Variants in KLHL42 observed in about 807,000 individuals in gnomAD.
The protein encoded by KLHL42 is kelch like family member 42.
KLHL42 carries 27 observed loss-of-function variants against 32.7 expected under a neutral mutation model. The observed-to-expected ratio is 0.83, with a 90% CI of 0.61 to 1.14. The LOEUF (loss-of-function observed/expected upper bound fraction) is 1.14, where lower values mean the gene tolerates loss of function less well. Among genes scored for constraint, KLHL42 ranks in the 50% most tolerant of loss-of-function variants. KLHL42 has a pLI of 0.00. For synonymous variants in KLHL42, 267 were observed against 248.2 expected, an observed-to-expected ratio of 1.08 and a Z score of -0.71; for missense variants, 491 against 560.8, an observed-to-expected ratio of 0.88 and a Z score of 1.26.
chr12:27,785,957 A>C (rs948372923), intron 1 of KLHL42, among the ~76,000 whole-genome samples: 3 of 152,238 alleles, frequency 2.0e-5, no homozygotes, highest in East Asian at 1.9e-4. Context: ...ATAATGAGAG[A>C]CATCATTTAA....
chr12:27,781,276 C>T, intron 1 of KLHL42, 74 bp downstream of exon 1: 1 of 1,507,696 alleles, frequency 6.6e-7, no homozygotes, highest in Admixed American at 1.9e-5. Context: ...CCAGTGTTTA[C>T]TGAGCCAGTA....
chr12:27,781,865 A>G (rs2062150914), intron 1 of KLHL42, among the ~76,000 whole-genome samples: 1 of 152,178 alleles, frequency 6.6e-6, no homozygotes, highest in South Asian at 2.1e-4. Context: ...CCATCCTGCA[A>G]ATCTCTCCTG....
In KLHL42 at chr12:27,800,256, A is replaced by G. The variant is rs1444407317; in HGVS notation, c.*2090A>G. ...TTACATTCATTGGGTCTATTTGCCTAATGTTGACAATTAGATTCTTGGACC... is the reference window on the plus strand; with the variant it reads ...TTACATTCATTGGGTCTATTTGCCTGATGTTGACAATTAGATTCTTGGACC... On this transcript the variant is annotated 3_prime_UTR_variant, in exon 3 of 3. Transcript: ENST00000381271. 1 of 985,216 alleles carries G rather than the reference A, an allele frequency of 1.0e-6. No individual in the cohort carries two copies. The highest frequency in any genetic ancestry group is 1.1e-4 in the East Asian group (1 of 8,820). The allele number at this position is 985,216 out of a possible 1,614,324, so 61.0% of individuals were successfully genotyped here.
At position 27,802,338 on chromosome 12, in the gene KLHL42, T is replaced by A. The variant is rs573898089; in HGVS notation, c.*4172T>A. ...CTAAGAGGGGCAAGCTGATTGCATG[T>A]GCATTTATACCTATGCCTTTAAAAC... On this transcript the variant is annotated 3_prime_UTR_variant, in exon 3 of 3. Coordinates refer to ENST00000381271, the MANE Select transcript of KLHL42 (RefSeq NM_020782.2). 1 of 152,362 alleles carries A rather than the reference T, an allele frequency of 6.6e-6. No individual in the cohort carries two copies. Among genetic ancestry groups the A allele is most frequent in the African/African-American group, 2.4e-5 (1 of 41,570 alleles). The allele number at this position is 152,362 out of a possible 1,614,324, so 9.4% of individuals were successfully genotyped here. A position where few individuals can be genotyped will look rare whatever the true frequency, so the allele number is the denominator to read the frequency against.
At position 27,799,717 on chromosome 12, in the gene KLHL42, TTAAAA is replaced by T. The variant is rs2062235930; in HGVS notation, c.*1555_*1559del. The T allele has an allele frequency of 6.5e-6, 1 of 152,952 alleles. No individual in the cohort carries two copies. The highest frequency in any genetic ancestry group is 1.5e-5 in the Non-Finnish European group (1 of 68,284). 9.5% of individuals were successfully genotyped at this position (152,952 alleles called of 1,614,324 possible). A position where few individuals can be genotyped will look rare whatever the true frequency, so the allele number is the denominator to read the frequency against. ...TTTACAACCATGGCCTCTAGTATACTTAAAATAAGCGTCCAGTTATAAAAAGCCTA... is the reference window on the plus strand; with the variant it reads ...TTTACAACCATGGCCTCTAGTATACTTAAGCGTCCAGTTATAAAAAGCCTA... On this transcript the variant is annotated 3_prime_UTR_variant, in exon 3 of 3. Coordinates refer to ENST00000381271, the MANE Select transcript of KLHL42 (RefSeq NM_020782.2).
Position 27,783,140 on chromosome 12 carries a change from T to A in KLHL42, c.872+1938T>A, listed in dbSNP as rs144662705. 1.4e-4 allele frequency among the ~76,000 whole-genome samples: 21 copies of A among 152,346 alleles called. No individual in the cohort carries two copies. In the East Asian group the frequency reaches 4.0e-3, roughly 29 times the overall value. ...CAATTAATACATTTTGTATATGTAG[T>A]ATATACTTTATTCTAACAATAAAGT... On this transcript the variant is annotated intron_variant, in intron 1 of 2. Coordinates refer to ENST00000381271, the MANE Select transcript of KLHL42 (RefSeq NM_020782.2).
Position 27,798,954 on chromosome 12 carries a change from CAT to C in KLHL42, c.*791_*792del, listed in dbSNP as rs138218819. 2.0e-5 allele frequency: 3 copies of C among 152,304 alleles called. No individual in the cohort carries two copies. In the East Asian group the frequency reaches 5.8e-4, roughly 29 times the overall value. The allele number at this position is 152,304 out of a possible 1,614,324, so 9.4% of individuals were successfully genotyped here. On this transcript the variant is annotated 3_prime_UTR_variant, in exon 3 of 3. Coordinates refer to ENST00000381271, the MANE Select transcript of KLHL42 (RefSeq NM_020782.2). ...AGGATATATTATTTAGAAAAATGGA[CAT>C]ATGAATATTATTAAAAATTGAGTCT...
Position 27,798,230 on chromosome 12 carries a change from T to C in KLHL42, c.*64T>C, listed in dbSNP as rs1305718779. ...TTTTTTTTAAAATGTGGTGTCCCATTCCAAGGGAGACCAATTCCTAAAGGG... is the reference window on the plus strand; with the variant it reads ...TTTTTTTTAAAATGTGGTGTCCCATCCCAAGGGAGACCAATTCCTAAAGGG... On this transcript the variant is annotated 3_prime_UTR_variant, in exon 3 of 3. Transcript: ENST00000381271. The C allele has an allele frequency of 5.7e-6, 4 of 707,718 alleles. No individual in the cohort carries two copies. The East Asian group carries it at 9.8e-5, about 17-fold the overall frequency. 43.8% of individuals were successfully genotyped at this position (707,718 alleles called of 1,614,324 possible).
chr12:27,800,651 TG>T lies in KLHL42; in HGVS notation c.*2486del, dbSNP rs1196111674. The T allele has an allele frequency of 6.6e-6, 1 of 152,044 alleles. No homozygotes were observed. Among genetic ancestry groups the T allele is most frequent in the Non-Finnish European group, 1.5e-5 (1 of 68,716 alleles). 9.4% of individuals were successfully genotyped at this position (152,044 alleles called of 1,614,324 possible). On this transcript the variant is annotated 3_prime_UTR_variant, in exon 3 of 3. Coordinates refer to ENST00000381271, the MANE Select transcript of KLHL42 (RefSeq NM_020782.2). The stretch of plus-strand genomic sequence containing the variant: ...ATCTCCCTTCAGGCGGAGGTTGCAG[TG>T]AGCCGAGATTGTGCCATTGCACTCC...
chr12:27,783,544 T>C (rs1479316795), intron 1 of KLHL42, among the ~76,000 whole-genome samples: 1 of 152,224 alleles, frequency 6.6e-6, no homozygotes, highest in Non-Finnish European at 1.5e-5. Flanking sequence ...AGAGTTTTTT[T>C]TCTGTGTCAA....
Position 27,781,097 on chromosome 12 carries a change from T to A in KLHL42, c.767T>A (p.Phe256Tyr), listed in dbSNP as rs2062145799. 1 of 1,614,018 alleles carries A rather than the reference T, an allele frequency of 6.2e-7. No individual in the cohort carries two copies. The highest frequency in any genetic ancestry group is 1.1e-5 in the South Asian group (1 of 91,068). Residue 256 changes from phenylalanine to tyrosine, a missense_variant, in exon 1 of 3, where the codon TTC (phenylalanine) becomes TAC (tyrosine). By Grantham distance (22) the Phe-to-Tyr change is conservative. This residue lies in a region of KLHL42 where 248 missense variants were observed against 329.2 expected (regional missense o/e 0.75). Transcript: ENST00000381271. ...TCTGCCATCCTGGACAACTACCTCT[T>A]CATAGTGGGCGGGTACAGGATCACT... ...YGSAILDNYLFIVGGYRITSQ... is the reference protein window; with the variant it reads ...YGSAILDNYLYIVGGYRITSQ...
chr12:27,783,357 C>T (rs1591813501), intron 1 of KLHL42, among the ~76,000 whole-genome samples: 1 of 151,538 alleles, frequency 6.6e-6, no homozygotes, highest in African/African-American at 2.4e-5. Flanking sequence ...AGTTCAAACC[C>T]GTGTTATTAA....
chr12:27,792,266 A>T (rs751235293), intron 2 of KLHL42: 102 of 175,504 alleles, frequency 5.8e-4, no homozygotes, highest in Middle Eastern at 2.8e-3. Context: ...GGAGAAGATT[A>T]TCTGGGAACT....
chr12:27,800,239 A>G lies in KLHL42; in HGVS notation c.*2073A>G, dbSNP rs1466355337. The stretch of plus-strand genomic sequence containing the variant: ...GTTAATTCTCTTCCTGGTTACATTC[A>G]TTGGGTCTATTTGCCTAATGTTGAC... On this transcript the variant is annotated 3_prime_UTR_variant, in exon 3 of 3. Transcript: ENST00000381271. 1.0e-6 allele frequency: 1 copy of G among 985,246 alleles called. No homozygotes were observed. Among genetic ancestry groups the G allele is most frequent in the African/African-American group, 1.7e-5 (1 of 57,218 alleles). The allele number at this position is 985,246 out of a possible 1,614,324, so 61.0% of individuals were successfully genotyped here.
At chr12:27,796,609 A>G (rs1376609157) in intron 2 of KLHL42, among the ~76,000 whole-genome samples, 3 of 152,048 alleles carry the variant, frequency 2.0e-5, no homozygotes, top group Non-Finnish European at 4.4e-5. Flanking sequence ...AAAAGAGACG[A>G]GGCCATATTT....
At chr12:27,795,741 C>T (rs1316200671) in intron 2 of KLHL42, among the ~76,000 whole-genome samples, 1 of 152,102 alleles carries the variant, frequency 6.6e-6, no homozygotes, top group Non-Finnish European at 1.5e-5. Flanking sequence ...TATTTTAATT[C>T]TTTAGCAGCA....
At chr12:27,794,232 C>T (rs1053883159) in intron 2 of KLHL42, among the ~76,000 whole-genome samples, 3 of 152,116 alleles carry the variant, frequency 2.0e-5, no homozygotes, top group Non-Finnish European at 2.9e-5. Context: ...AAGGTGTCAG[C>T]GGGGCTGTGC....
intron 1 of KLHL42, among the ~76,000 whole-genome samples, chr12:27,786,719 G>GT (rs11341444): frequency 0.2 from 20,441 of 101,128 alleles, 2,622 homozygotes; most frequent in Non-Finnish European, 0.25. Context: ...GATTGAAAGA[G>GT]TTTTTTTTTT....
intron 2 of KLHL42, chr12:27,797,124 T>TA (rs962657525): frequency 3.0e-3 from 1,083 of 355,272 alleles, no homozygotes; most frequent in South Asian, 4.5e-3. Context: ...ATCCTGTCTT[T>TA]AAAAAAAAAC....
Sources: gnomAD v4.1 joint callset for allele counts (sites outside exome capture counted in the v4.1 genomes callset) on GRCh38, gnomAD v4.1.1 for gene constraint, gnomAD v4.1.1 regional missense constraint, MANE v1.5 for transcripts, NCBI Gene and HGNC (gene_info 2026-07-23, HGNC 2026-07-21) for gene names.